NALF1: variants seen among roughly 807,000 people sequenced by gnomAD.
NALF1 encodes NALCN channel auxiliary factor 1.
NALF1 carries 3 observed loss-of-function variants against 48.4 expected under a neutral mutation model. That is an observed-to-expected ratio of 0.06 (90% CI 0.03 to 0.16). The LOEUF is 0.16. Ranked by LOEUF, NALF1 falls within the 10% of genes least tolerant of loss-of-function variation. The pLI is 1.00. For missense variants in NALF1, 526 were observed against 571.5 expected (o/e 0.92, Z 0.81); for synonymous variants, 262 against 245.7 (o/e 1.07, Z -0.62).
At position 107,773,310 on chromosome 13, in the gene NALF1, A is replaced by G. The variant is rs1438017750; in HGVS notation, c.915+92372T>C. Among the ~76,000 whole-genome samples the G allele has an allele frequency of 2.0e-5, 3 of 152,240 alleles. No individual in the cohort carries two copies. The East Asian group carries it at 5.8e-4, about 29-fold the overall frequency. On this transcript the variant is annotated intron_variant, in intron 1 of 2. Coordinates refer to ENST00000375915, the MANE Select transcript of NALF1 (RefSeq NM_001080396.3). ...CAAATGTGAAACTATCTTGATACAC[A>G]TGATAAATCATACTTCAGAGTGATA...
intron 1 of NALF1, among the ~76,000 whole-genome samples, chr13:107,332,248 A>C (rs1882482095): frequency 6.6e-6 from 1 of 152,188 alleles, no homozygotes; most frequent in Admixed American, 6.5e-5. Context: ...ACCCCACTCA[A>C]ATCACCCAGC....
intron 1 of NALF1, among the ~76,000 whole-genome samples, chr13:107,665,857 T>C (rs1880845429): frequency 6.6e-6 from 1 of 152,150 alleles, no homozygotes; most frequent in Non-Finnish European, 1.5e-5. Context: ...TCAAGACACC[T>C]TTGTAAGTGA....
intron 1 of NALF1, among the ~76,000 whole-genome samples, chr13:107,540,140 G>C (rs1566384890): frequency 6.6e-6 from 1 of 151,542 alleles, no homozygotes; most frequent in East Asian, 1.9e-4. Flanking sequence ...ACACAGCTAA[G>C]TCGTTGCTTG....
At chr13:107,841,928 C>T (rs1880052851) in intron 1 of NALF1, among the ~76,000 whole-genome samples, 1 of 151,624 alleles carries the variant, frequency 6.6e-6, no homozygotes, top group African/African-American at 2.4e-5. Flanking sequence ...TAGAAATAGA[C>T]AATATGTAGA....
intron 2 of NALF1, among the ~76,000 whole-genome samples, chr13:107,174,336 C>G (rs1594054415): frequency 6.7e-6 from 1 of 148,176 alleles, no homozygotes; most frequent in Non-Finnish European, 1.5e-5. Flanking sequence ...AATGGAGAAA[C>G]TTTTATTTTT....
At chr13:107,390,362 A>T (rs749008726) in intron 1 of NALF1, among the ~76,000 whole-genome samples, 5 of 152,030 alleles carry the variant, frequency 3.3e-5, no homozygotes, top group Non-Finnish European at 7.4e-5. Flanking sequence ...AAAAAAAAAA[A>T]GGAAAGATTA....
intron 1 of NALF1, among the ~76,000 whole-genome samples, chr13:107,796,945 A>G (rs1183011257): frequency 6.6e-6 from 1 of 152,062 alleles, no homozygotes; most frequent in Non-Finnish European, 1.5e-5. Flanking sequence ...TGTCATACTC[A>G]TACCTTTATT....
At chr13:107,863,385 C>A (rs1594320786) in intron 1 of NALF1, among the ~76,000 whole-genome samples, 2 of 152,222 alleles carry the variant, frequency 1.3e-5, no homozygotes, top group East Asian at 1.9e-4. Context: ...TACATATAAC[C>A]AATTGATTTG....
chr13:107,397,077 G>T (rs189813663), intron 1 of NALF1, among the ~76,000 whole-genome samples: 1 of 152,262 alleles, frequency 6.6e-6, no homozygotes, highest in Non-Finnish European at 1.5e-5. Context: ...GGGATCCAAG[G>T]TCTGGTTGGA....
intron 1 of NALF1, among the ~76,000 whole-genome samples, chr13:107,864,112 A>G (rs913842403): frequency 3.3e-5 from 5 of 152,238 alleles, no homozygotes; most frequent in African/African-American, 1.2e-4. Context: ...AACTGCAATT[A>G]TTGCAGTAGT....
intron 1 of NALF1, among the ~76,000 whole-genome samples, chr13:107,693,292 G>A (rs1018527113): frequency 6.9e-6 from 1 of 145,552 alleles, no homozygotes; most frequent in Non-Finnish European, 1.5e-5. Flanking sequence ...ATGGACACAG[G>A]GCGGGGAACA....
chr13:107,340,506 T>G (rs1161286302), intron 1 of NALF1, among the ~76,000 whole-genome samples: 5 of 130,776 alleles, frequency 3.8e-5, no homozygotes, highest in Non-Finnish European at 8.1e-5. Flanking sequence ...TCTTTCTTTC[T>G]TTTCTTTCTT....
chr13:107,668,131 G>A (rs1880906357), intron 1 of NALF1, among the ~76,000 whole-genome samples: 1 of 152,056 alleles, frequency 6.6e-6, no homozygotes, highest in Non-Finnish European at 1.5e-5. Flanking sequence ...CCTTTCAAAA[G>A]TCACTGGACT....
In NALF1 at chr13:107,791,441, T is replaced by C. The variant is rs77692971; in HGVS notation, c.915+74241A>G. Among the ~76,000 whole-genome samples, 851 of 152,288 alleles carry C rather than the reference T, an allele frequency of 5.6e-3. 7 individuals are homozygous for C. The highest frequency in any genetic ancestry group is 0.018 in the African/African-American group (748 of 41,560). ...CATGGGTGATTATCGTTTTAGACTT[T>C]AGGCTTTTGTCAAGTTTTCCACAAG... is the stretch of plus-strand genomic sequence containing the variant. On this transcript the variant is annotated intron_variant, in intron 1 of 2. Transcript: ENST00000375915.
intron 1 of NALF1, among the ~76,000 whole-genome samples, chr13:107,583,396 C>A (rs1266725211): frequency 6.6e-6 from 1 of 152,066 alleles, no homozygotes. Flanking sequence ...GTTCAGATCA[C>A]TTTTAAGTTA....
chr13:107,222,565 G>T (rs939945194), intron 1 of NALF1, among the ~76,000 whole-genome samples: 1 of 152,072 alleles, frequency 6.6e-6, no homozygotes, highest in Non-Finnish European at 1.5e-5. Context: ...GTGTGTGTTC[G>T]CCCCGCTTAG....
At chr13:107,852,689 A>T (rs1435497505) in intron 1 of NALF1, among the ~76,000 whole-genome samples, 1 of 152,172 alleles carries the variant, frequency 6.6e-6, no homozygotes, top group Non-Finnish European at 1.5e-5. Context: ...GTCCTTCACC[A>T]TTACTTGAAG....
At chr13:107,625,281 T>C (rs932363239) in intron 1 of NALF1, among the ~76,000 whole-genome samples, 2 of 152,128 alleles carry the variant, frequency 1.3e-5, no homozygotes, top group African/African-American at 4.8e-5. Context: ...ATGTTTTTGA[T>C]AAAAGGGGCT....
chr13:107,306,395 G>A (rs1881937059), intron 1 of NALF1, among the ~76,000 whole-genome samples: 1 of 152,124 alleles, frequency 6.6e-6, no homozygotes, highest in Non-Finnish European at 1.5e-5. Flanking sequence ...TAATTTTTAT[G>A]TCTGAATTCT....
Sources: allele counts gnomAD v4.1 joint callset (sites outside exome capture counted in the v4.1 genomes callset), GRCh38; gene constraint gnomAD v4.1.1; transcripts MANE v1.5; gene names NCBI Gene and HGNC (gene_info 2026-07-23, HGNC 2026-07-21).